The following DCDC1 variants were observed in gnomAD, a reference collection of about 807,000 sequenced individuals.
The protein encoded by DCDC1 is doublecortin domain containing 1, also known as doublecortin domain-containing protein 1.
Under a neutral mutation model 178.3 loss-of-function variants are expected in DCDC1, and 200 were observed. The ratio of observed to expected loss-of-function variants is 1.12; its 90% confidence interval spans 1.00 to 1.26. The LOEUF is 1.26. DCDC1 is among the 50% of genes most tolerant of loss of function. DCDC1 has a pLI of 0.00. For synonymous variants in DCDC1, 690 were observed against 604.8 expected, an observed-to-expected ratio of 1.14 and a Z score of -2.07; for missense variants, 1,983 against 1,749.2, an observed-to-expected ratio of 1.13 and a Z score of -2.38.
At chr11:31,281,424 T>C (rs1461226780) in intron 7 of DCDC1, among the ~76,000 whole-genome samples, 1 of 152,148 alleles carries the variant, frequency 6.6e-6, no homozygotes, top group Non-Finnish European at 1.5e-5. Context: ...TTCCCTTCTA[T>C]TTCAAGTTTG....
At chr11:31,062,194 G>T (rs1338577354) in intron 20 of DCDC1, among the ~76,000 whole-genome samples, 2 of 152,040 alleles carry the variant, frequency 1.3e-5, no homozygotes, top group Admixed American at 1.3e-4. Context: ...CCAGGATAAG[G>T]ATGAAAACCC....
In DCDC1 at chr11:30,878,576, G is replaced by A. The variant is rs767705657; in HGVS notation, c.*8C>T. The A allele has an allele frequency of 6.3e-7, 1 of 1,591,286 alleles. No homozygotes were observed. The highest frequency in any genetic ancestry group is 1.9e-5 in the Admixed American group (1 of 53,698). ...ATACAGCAGAAAATCCGATGGTTCT[G>A]ATAGGAGTTAATTGTGGAGATGTGC... is the stretch of plus-strand genomic sequence containing the variant. On this transcript the variant is annotated 3_prime_UTR_variant, in exon 38 of 39. Transcript: ENST00000684477.
intron 7 of DCDC1, among the ~76,000 whole-genome samples, chr11:31,284,117 T>C (rs556332988): frequency 6.6e-6 from 1 of 152,250 alleles, no homozygotes; most frequent in South Asian, 2.1e-4. Context: ...TAAAAATTGT[T>C]GTCACATATT....
chr11:31,295,816 G>T (rs1019215700), intron 6 of DCDC1, among the ~76,000 whole-genome samples: 1 of 152,134 alleles, frequency 6.6e-6, no homozygotes, highest in African/African-American at 2.4e-5. Flanking sequence ...CGCGGTAAAG[G>T]AAGGGAGGGA....
At chr11:31,246,425 A>G (rs1356196919) in intron 8 of DCDC1, among the ~76,000 whole-genome samples, 1 of 151,866 alleles carries the variant, frequency 6.6e-6, no homozygotes. Context: ...AAATACACCA[A>G]GACATTTGGG....
chr11:30,899,572 A>C lies in DCDC1; in HGVS notation c.4734T>G (p.Asp1578Glu). The C allele has an allele frequency of 6.3e-7, 1 of 1,587,356 alleles. No homozygotes were observed. The highest frequency in any genetic ancestry group is 8.6e-7 in the Non-Finnish European group (1 of 1,166,622). Reference protein sequence around the residue: ...LKKDRILADLDTMRHKMRQLK... With the variant: ...LKKDRILADLETMRHKMRQLK... ...ACTGTCTCATTTTGTGTCTCATGGT[A>C]TCTAGATCAGCCAAAATTCTGTCCT... Residue 1578 changes from aspartate to glutamate, a missense_variant, in exon 34 of 39, where the codon GAT (aspartate) becomes GAG (glutamate). Physicochemically the swap from Asp to Glu is conservative, Grantham distance 45. Coordinates refer to ENST00000684477, the MANE Select transcript of DCDC1 (RefSeq NM_001387274.1).
Position 31,168,862 on chromosome 11 carries a change from ATTATT to A in DCDC1, c.1222-31083_1222-31079del, listed in dbSNP as rs533031858. Among the ~76,000 whole-genome samples, 1,089 of 152,302 alleles carry A rather than the reference ATTATT, an allele frequency of 7.2e-3. 9 individuals carry two copies. Among genetic ancestry groups the A allele is most frequent in the Non-Finnish European group, 0.01 (682 of 68,036 alleles). On this transcript the variant is annotated intron_variant, in intron 9 of 38. Coordinates refer to ENST00000684477, the MANE Select transcript of DCDC1 (RefSeq NM_001387274.1). ...TTAATAAACATTAATTATGCAATTT[ATTATT>A]TTATTTTATTAGGTTAATTAATTGT...
intron 3 of DCDC1, among the ~76,000 whole-genome samples, chr11:31,318,873 G>A (rs1413168736): frequency 1.6e-5 from 1 of 61,982 alleles, no homozygotes; most frequent in East Asian, 2.5e-4. Flanking sequence ...GTTCTCGTTG[G>A]TTTCAAAGAA....
intron 20 of DCDC1, among the ~76,000 whole-genome samples, chr11:31,010,485 T>C (rs2135112631): frequency 6.6e-6 from 1 of 152,362 alleles, no homozygotes; most frequent in African/African-American, 2.4e-5. Flanking sequence ...TGTCCCACTC[T>C]AGTTTGCTAG....
intron 20 of DCDC1, among the ~76,000 whole-genome samples, chr11:31,033,760 A>C (rs1363586256): frequency 6.6e-6 from 1 of 152,158 alleles, no homozygotes; most frequent in Non-Finnish European, 1.5e-5. Context: ...CTTATCACTT[A>C]AGTGATAACT....
chr11:31,223,015 T>C (rs1286539265), intron 9 of DCDC1, among the ~76,000 whole-genome samples: 1 of 152,196 alleles, frequency 6.6e-6, no homozygotes, highest in East Asian at 1.9e-4. Flanking sequence ...AAACTATGTA[T>C]ATATTGAAAT....
intron 3 of DCDC1, among the ~76,000 whole-genome samples, chr11:31,321,968 G>A (rs1949387726): frequency 6.6e-6 from 1 of 152,150 alleles, no homozygotes; most frequent in Admixed American, 6.5e-5. Context: ...CACCAAAACT[G>A]TTTAGGATGA....
intron 36 of DCDC1, chr11:30,882,373 CCCCTCTATAGAATA>C: frequency 6.6e-6 from 1 of 152,232 alleles, no homozygotes; most frequent in African/African-American, 2.4e-5. Context: ...AAAATATATT[CCCCTCTATAGAATA>C]GGATAGTCAG....
intron 22 of DCDC1, among the ~76,000 whole-genome samples, chr11:30,926,529 G>A (rs974046551): frequency 6.6e-6 from 1 of 152,158 alleles, no homozygotes; most frequent in African/African-American, 2.4e-5. Flanking sequence ...ATGGAATTGT[G>A]AGGAAAAAGT....
chr11:31,198,394 T>C (rs1266592814), intron 9 of DCDC1, among the ~76,000 whole-genome samples: 1 of 152,064 alleles, frequency 6.6e-6, no homozygotes, highest in Non-Finnish European at 1.5e-5. Context: ...CAAGTATAGA[T>C]TTCTACTTTA....
chr11:30,891,359 G>A (rs111416601), intron 36 of DCDC1, among the ~76,000 whole-genome samples: 3,728 of 152,146 alleles, frequency 0.025, 128 homozygotes, highest in African/African-American at 0.084. Flanking sequence ...CTACACCAGA[G>A]TCACATAAAT....
chr11:30,898,039 G>C (rs1193901614), intron 34 of DCDC1, among the ~76,000 whole-genome samples: 1 of 152,144 alleles, frequency 6.6e-6, no homozygotes, highest in Non-Finnish European at 1.5e-5. Context: ...GAACTAAAAT[G>C]TGCCGAAAGC....
Position 31,068,591 on chromosome 11 carries a change from C to T in DCDC1, c.2299-3438G>A, listed in dbSNP as rs76577267. 7.0e-4 allele frequency among the ~76,000 whole-genome samples: 106 copies of T among 152,118 alleles called. 2 individuals carry two copies. The East Asian group carries it at 0.018, about 26-fold the overall frequency. On this transcript the variant is annotated intron_variant, in intron 18 of 38. Coordinates refer to ENST00000684477, the MANE Select transcript of DCDC1 (RefSeq NM_001387274.1). ...GTGGGTGTGGGTATGTGTCTCTAAT[C>T]AAGAATGATACACTATCAATAATAA...
Position 30,903,503 on chromosome 11 carries a change from T to C in DCDC1, c.4489A>G (p.Ile1497Val), listed in dbSNP as rs1172655885. 6 of 1,598,900 alleles carry C rather than the reference T, an allele frequency of 3.8e-6. No homozygotes were observed. The East Asian group carries it at 1.1e-4, about 30-fold the overall frequency. Reference sequence around the variant, plus strand: ...CAACCTTCCATACTTTCAACAATTATCTGTTCTTTTCCAACAGGAGCTGCA... The same window carrying C: ...CAACCTTCCATACTTTCAACAATTACCTGTTCTTTTCCAACAGGAGCTGCA... ...QDAAPVGKEQ[I>V]IVESMEENPR... The change falls in exon 32 of 39, where the codon ATA becomes GTA. Residue 1497 changes from isoleucine (I) to valine (V), a missense_variant. Ile to Val is a conservative substitution (Grantham distance 29). Coordinates refer to ENST00000684477, the MANE Select transcript of DCDC1 (RefSeq NM_001387274.1).
Sources: gnomAD v4.1 joint callset for allele counts (sites outside exome capture counted in the v4.1 genomes callset) on GRCh38, gnomAD v4.1.1 for gene constraint, MANE v1.5 for transcripts, NCBI Gene and HGNC (gene_info 2026-07-23, HGNC 2026-07-21) for gene names.